The following CEP350 variants were observed in gnomAD, a reference collection of about 807,000 sequenced individuals.
The protein encoded by CEP350 is centrosome-associated protein 350.
CEP350 carries 126 observed loss-of-function variants against 331.8 expected under a neutral mutation model. That is an observed-to-expected ratio of 0.38 (90% CI 0.33 to 0.44). CEP350 has a LOEUF of 0.44. CEP350 is among the 20% of genes least tolerant of loss of function. The pLI, the probability that CEP350 is intolerant of heterozygous loss-of-function variation, is 1.00. For missense variants in CEP350, 3,406 were observed against 3,634.6 expected (o/e 0.94, Z 1.62); for synonymous variants, 1,200 against 1,259.5 (o/e 0.95, Z 1.00).
chr1:179,955,628 TTG>T (rs1425260573), intron 1 of CEP350, among the ~76,000 whole-genome samples: 2 of 152,184 alleles, frequency 1.3e-5, no homozygotes, highest in Non-Finnish European at 2.9e-5. Context: ...CACAGATAAT[TTG>T]GGGAAAGATT....
chr1:180,055,279 C>A (rs1657747017), intron 25 of CEP350, among the ~76,000 whole-genome samples: 1 of 152,096 alleles, frequency 6.6e-6, no homozygotes, highest in African/African-American at 2.4e-5. Flanking sequence ...TTAATTTCCT[C>A]ATCTGTAGGA....
intron 37 of CEP350, among the ~76,000 whole-genome samples, chr1:180,110,619 G>T (rs918508649): frequency 1.3e-5 from 2 of 152,182 alleles, no homozygotes; most frequent in African/African-American, 4.8e-5. Flanking sequence ...TAACTCCATT[G>T]TAAGTAGAGG....
chr1:179,967,962 T>C (rs770017934), intron 1 of CEP350, among the ~76,000 whole-genome samples: 2 of 152,192 alleles, frequency 1.3e-5, no homozygotes, highest in African/African-American at 4.8e-5. Context: ...CTGAGACTTA[T>C]CAATGGTACT....
chr1:179,974,929 T>G (rs1651745134), intron 1 of CEP350, among the ~76,000 whole-genome samples: 1 of 151,810 alleles, frequency 6.6e-6, no homozygotes, highest in African/African-American at 2.4e-5. Context: ...AGTTTCAGGC[T>G]ACAGTGAGCC....
In CEP350 at chr1:180,062,360, T is replaced by G. The variant is rs1658276475; in HGVS notation, c.5403T>G (p.Ser1801Arg). The G allele has an allele frequency of 1.3e-6, 2 of 1,589,376 alleles. No homozygotes were observed. The highest frequency in any genetic ancestry group is 1.7e-6 in the Non-Finnish European group (2 of 1,167,962). Reference sequence around the variant, plus strand: ...AGAAATTGAAGTCTGCAGGGGAGAGTAAATTGGTAAACTACATGAAGTTAT... The same window carrying G: ...AGAAATTGAAGTCTGCAGGGGAGAGGAAATTGGTAAACTACATGAAGTTAT... ...LQEKLKSAGE[S>R]KLDSHSDDDT... Residue 1801 changes from serine to arginine, a missense_variant, in exon 26 of 38, where the codon AGT becomes AGG. This residue lies in a region of CEP350 where 1,415 missense variants were observed against 1,512.3 expected (regional missense o/e 0.94). Coordinates refer to ENST00000367607, the MANE Select transcript of CEP350 (RefSeq NM_014810.5).
rs1323004343 is a variant in CEP350, at chr1:180,093,154, T to G, written c.7049T>G (p.Ile2350Ser). 2 of 1,599,476 alleles carry G rather than the reference T, an allele frequency of 1.3e-6. No homozygotes were observed. The highest frequency in any genetic ancestry group is 2.2e-5 in the East Asian group (1 of 44,656). The change falls in exon 34 of 38, where the codon ATT (isoleucine) becomes AGT (serine). Residue 2350 changes from isoleucine to serine, a missense_variant. Ile to Ser is a moderately radical substitution (Grantham distance 142, BLOSUM62 -2). This residue lies in a region of CEP350 where 1,415 missense variants were observed against 1,512.3 expected (regional missense o/e 0.94). Transcript: ENST00000367607. ...CCAAACATCCAATCAGGAAAAGACA[T>G]TCACGAACAAAAGAACACAAAGGAA... ...HSPNIQSGKD[I>S]HEQKNTKEKD...
chr1:180,049,695 CACA>C (rs1165093528), intron 22 of CEP350, among the ~76,000 whole-genome samples: 1 of 152,012 alleles, frequency 6.6e-6, no homozygotes, highest in Non-Finnish European at 1.5e-5. Context: ...AGGCACGCAC[CACA>C]ACACCTGGCT....
chr1:180,040,880 C>G (rs1656717603), intron 17 of CEP350, among the ~76,000 whole-genome samples: 1 of 152,020 alleles, frequency 6.6e-6, no homozygotes, highest in South Asian at 2.1e-4. Context: ...TTCTAAATGG[C>G]TTTTTGGTAT....
In CEP350 at chr1:180,090,631, G is replaced by A; in HGVS notation, c.6426-83G>A. ...ACCTACTGTAGAGAAGAGGAAAGAA[G>A]CAGTTGTCTAAGAATGTCTGCTTTT... On this transcript the variant is annotated intron_variant, in intron 32 of 37. Transcript: ENST00000367607. 4.3e-6 allele frequency: 5 copies of A among 1,161,146 alleles called. No individual in the cohort carries two copies. The South Asian group carries it at 8.2e-5, about 19-fold the overall frequency. 71.9% of individuals were successfully genotyped at this position (1,161,146 alleles called of 1,614,324 possible).
chr1:179,994,278 A>G (rs541924403), intron 5 of CEP350, among the ~76,000 whole-genome samples: 1 of 151,958 alleles, frequency 6.6e-6, no homozygotes, highest in Admixed American at 6.6e-5. Context: ...CTAACATTTT[A>G]TGTTTTATTT....
chr1:180,093,703 A>G lies in CEP350; in HGVS notation c.7598A>G (p.Lys2533Arg). Residue 2533 changes from lysine (K) to arginine (R), a missense_variant, in exon 34 of 38, where the codon AAA (lysine) becomes AGA (arginine). By Grantham distance (26) the Lys-to-Arg change is conservative. Around this residue, in one of 5 missense-constraint regions of CEP350, gnomAD observed 1,415 missense variants for 1,512.3 expected, o/e 0.94. Transcript: ENST00000367607. ...TTTTGGGCCGGAGTGGAGTTAGATAAACCTGAAGGAAATAACAATGGAACA... is the reference window on the plus strand; with the variant it reads ...TTTTGGGCCGGAGTGGAGTTAGATAGACCTGAAGGAAATAACAATGGAACA... ...KGFWAGVELD[K>R]PEGNNNGTYD... is the part of the protein sequence containing the mutation. The G allele has an allele frequency of 6.2e-7, 1 of 1,613,982 alleles. No individual in the cohort carries two copies. Among genetic ancestry groups the G allele is most frequent in the Non-Finnish European group, 8.5e-7 (1 of 1,179,862 alleles).
rs750107817 is a variant in CEP350 at position 180,095,631 on chromosome 1, T to C, written c.8620T>C (p.Phe2874Leu). 4.3e-6 allele frequency: 7 copies of C among 1,613,684 alleles called. No homozygotes were observed. The African/African-American group carries it at 9.4e-5, about 22-fold the overall frequency. Reference protein sequence around the residue: ...LSALGDDQDWFDEDFGLSSSH... With the variant: ...LSALGDDQDWLDEDFGLSSSH... Reference sequence around the variant, plus strand: ...CGCGTTAGGAGATGATCAAGACTGGTTTGATGAAGACTTTGGTTTGAGCTC... The same window carrying C: ...CGCGTTAGGAGATGATCAAGACTGGCTTGATGAAGACTTTGGTTTGAGCTC... Residue 2874 changes from phenylalanine (F) to leucine (L), a missense_variant, in exon 35 of 38, where the codon TTT becomes CTT. Coordinates refer to ENST00000367607, the MANE Select transcript of CEP350 (RefSeq NM_014810.5).
chr1:180,012,724 G>A (rs1039376754), intron 9 of CEP350, among the ~76,000 whole-genome samples: 1 of 152,170 alleles, frequency 6.6e-6, no homozygotes, highest in Admixed American at 6.6e-5. Flanking sequence ...AATGGATTCA[G>A]TAAGATGCAG....
At position 179,987,279 on chromosome 1, in the gene CEP350, A is replaced by C; in HGVS notation, c.113A>C (p.Lys38Thr). The C allele has an allele frequency of 6.4e-7, 1 of 1,554,166 alleles. No individual in the cohort carries two copies. The highest frequency in any genetic ancestry group is 8.8e-7 in the Non-Finnish European group (1 of 1,131,606). ...TTSWDALSQT[K>T]AALRHIENKL... ...TCGTGGGATGCACTTTCTCAAACCA[A>C]GGCTGCTGTAAGTAGTTTTAGCTTC... The change falls in exon 3 of 38, where the codon AAG becomes ACG. Residue 38 changes from lysine to threonine, a missense_variant. By Grantham distance (78) the Lys-to-Thr change is moderately conservative. Transcript: ENST00000367607.
intron 1 of CEP350, among the ~76,000 whole-genome samples, chr1:179,985,593 G>T (rs946777300): frequency 6.6e-6 from 1 of 152,150 alleles, no homozygotes. Context: ...TTACAGCTCT[G>T]CATGGCTGGG....
intron 24 of CEP350, among the ~76,000 whole-genome samples, chr1:180,054,175 G>A (rs991630357): frequency 6.6e-6 from 1 of 152,146 alleles, no homozygotes. Flanking sequence ...GTCATATGAT[G>A]CAATATTGTA....
intron 30 of CEP350, among the ~76,000 whole-genome samples, chr1:180,083,171 G>T (rs1428112427): frequency 2.6e-5 from 4 of 152,158 alleles, no homozygotes. Flanking sequence ...TATTTCTGTT[G>T]TAAGACTATT....
chr1:180,045,107 C>T (rs1434947495), intron 21 of CEP350, among the ~76,000 whole-genome samples: 4 of 151,976 alleles, frequency 2.6e-5, no homozygotes, highest in Admixed American at 2.0e-4. Context: ...TTTGGGAGGC[C>T]GAGGTGGGAA....
At chr1:180,064,993 T>G in intron 26 of CEP350, 122 bp from the exon 27 acceptor site, 20 of 1,067,762 alleles carry the variant, frequency 1.9e-5, no homozygotes, top group Non-Finnish European at 2.5e-5. Context: ...CTTTATTATC[T>G]TATTTTCAAC....
Sources: gnomAD v4.1 joint callset for allele counts (sites outside exome capture counted in the v4.1 genomes callset) on GRCh38, gnomAD v4.1.1 for gene constraint, gnomAD v4.1.1 regional missense constraint, MANE v1.5 for transcripts, NCBI Gene and HGNC (gene_info 2026-07-23, HGNC 2026-07-21) for gene names.